STPG2: variants seen among roughly 807,000 people sequenced by gnomAD.
The protein encoded by STPG2 is sperm-tail PG-rich repeat-containing protein 2.
A neutral mutation model predicts 54.2 loss-of-function variants in STPG2; 56 were observed. That is an observed-to-expected ratio of 1.03 (90% CI 0.83 to 1.29). The LOEUF is 1.29. Among genes scored for constraint, STPG2 ranks in the 50% most tolerant of loss-of-function variants. The pLI is 0.00. For missense variants in STPG2, 596 were observed against 544.9 expected (o/e 1.09, Z -0.93); for synonymous variants, 200 against 181.8 (o/e 1.10, Z -0.81).
chr4:97,697,907 G>A (rs898552319), intron 10 of STPG2, among the ~76,000 whole-genome samples: 6 of 152,142 alleles, frequency 3.9e-5, no homozygotes, highest in African/African-American at 1.2e-4. Context: ...TTTTCTTCTC[G>A]TGAGGAATGC....
chr4:97,448,539 T>G (rs1410571641), intron 4 of STPG2, among the ~76,000 whole-genome samples: 1 of 152,126 alleles, frequency 6.6e-6, no homozygotes. Context: ...TTATAAGTGT[T>G]TGGCAGTTCC....
At chr4:97,881,651 C>T (rs186021733) in intron 8 of STPG2, among the ~76,000 whole-genome samples, 2 of 152,082 alleles carry the variant, frequency 1.3e-5, no homozygotes, top group African/African-American at 2.4e-5. Flanking sequence ...AAAAGACTGG[C>T]TTTATCAGAG....
At chr4:97,490,557 T>C (rs560571024) in intron 4 of STPG2, among the ~76,000 whole-genome samples, 4 of 151,610 alleles carry the variant, frequency 2.6e-5, no homozygotes, top group African/African-American at 9.7e-5. Context: ...AGGATAACAG[T>C]TTTTAAAAAC....
In STPG2 at chr4:97,965,560, C is replaced by T. The variant is rs988221705; in HGVS notation, c.933+6720G>A. Among the ~76,000 whole-genome samples, 21 of 152,142 alleles carry T rather than the reference C, an allele frequency of 1.4e-4. 1 individual carries two copies. Among genetic ancestry groups the T allele is most frequent in the Admixed American group, 1.0e-3 (16 of 15,266 alleles). ...TCCACAAATGGGGCCCTGACCCCCA[C>T]GTAGACGAACTAGGAGACACTTCCC... On this transcript the variant is annotated intron_variant, in intron 7 of 10. Coordinates refer to ENST00000295268, the MANE Select transcript of STPG2 (RefSeq NM_174952.3).
intron 10 of STPG2, among the ~76,000 whole-genome samples, chr4:97,627,332 C>T (rs1356598182): frequency 1.3e-5 from 2 of 152,074 alleles, no homozygotes; most frequent in Non-Finnish European, 2.9e-5. Flanking sequence ...TTGCCTAGTG[C>T]TGCTCAATAT....
chr4:97,603,991 C>T (rs7659507), intron 10 of STPG2, among the ~76,000 whole-genome samples: 2,814 of 151,664 alleles, frequency 0.019, 81 homozygotes, highest in African/African-American at 0.063. Flanking sequence ...ATATATTGCA[C>T]CGCAATTGAA....
intron 10 of STPG2, among the ~76,000 whole-genome samples, chr4:97,708,193 G>T (rs1293938080): frequency 6.6e-6 from 1 of 151,556 alleles, no homozygotes; most frequent in Non-Finnish European, 1.5e-5. Flanking sequence ...AAGCAATGTG[G>T]GAATGTTTTT....
intron 6 of STPG2, among the ~76,000 whole-genome samples, chr4:97,979,758 C>T (rs1316762567): frequency 3.3e-5 from 5 of 149,734 alleles, no homozygotes; most frequent in Non-Finnish European, 3.0e-5. Context: ...CGGAGTCTTG[C>T]TCTGTTGCCA....
intron 3 of STPG2, among the ~76,000 whole-genome samples, chr4:98,116,340 A>G (rs1423152409): frequency 2.6e-5 from 4 of 151,942 alleles, no homozygotes; most frequent in Admixed American, 1.3e-4. Context: ...CCAAGAATCT[A>G]TGACTAATTG....
chr4:97,746,104 A>G (rs770299816), intron 9 of STPG2, among the ~76,000 whole-genome samples: 23 of 151,246 alleles, frequency 1.5e-4, no homozygotes, highest in Non-Finnish European at 3.0e-4. Context: ...TTTGATAATG[A>G]TAGATGAAGC....
intron 9 of STPG2, among the ~76,000 whole-genome samples, chr4:97,717,849 A>T (rs981258099): frequency 2.0e-5 from 3 of 152,268 alleles, no homozygotes; most frequent in Middle Eastern, 3.4e-3. Flanking sequence ...TATTTGTAAG[A>T]ATGAACAGAA....
chr4:97,445,664 C>G (rs370133396), intron 4 of STPG2, among the ~76,000 whole-genome samples: 1 of 152,174 alleles, frequency 6.6e-6, no homozygotes, highest in African/African-American at 2.4e-5. Flanking sequence ...TCACATGTGG[C>G]TAGTGGCTAC....
At chr4:98,041,905 T>C (rs1323409631) in intron 5 of STPG2, among the ~76,000 whole-genome samples, 1 of 151,954 alleles carries the variant, frequency 6.6e-6, no homozygotes, top group Non-Finnish European at 1.5e-5. Flanking sequence ...TTCCGCAGAA[T>C]TGGTACAAGT....
chr4:98,139,595 T>C (rs1174473459), intron 1 of STPG2, among the ~76,000 whole-genome samples: 1 of 152,180 alleles, frequency 6.6e-6, no homozygotes, highest in Non-Finnish European at 1.5e-5. Flanking sequence ...TTTTAAATTA[T>C]CTTTCAGAGA....
intron 5 of STPG2, among the ~76,000 whole-genome samples, chr4:97,997,538 A>G (rs1035513932): frequency 4.6e-5 from 7 of 152,202 alleles, no homozygotes; most frequent in East Asian, 3.8e-4. Context: ...TTATGATTCA[A>G]TCACCTCCCA....
At chr4:97,795,046 C>T (rs994248156) in intron 9 of STPG2, among the ~76,000 whole-genome samples, 1 of 152,154 alleles carries the variant, frequency 6.6e-6, no homozygotes, top group Admixed American at 6.5e-5. Context: ...TTTTGTATCT[C>T]ACCCTATTTC....
At chr4:97,553,641 T>C (rs577004812) in intron 4 of STPG2, among the ~76,000 whole-genome samples, 12 of 152,298 alleles carry the variant, frequency 7.9e-5, no homozygotes, top group African/African-American at 2.2e-4. Flanking sequence ...TGGGGTCAAA[T>C]TTACTCTGCT....
intron 8 of STPG2, among the ~76,000 whole-genome samples, chr4:97,922,237 C>T (rs1266279929): frequency 2.6e-5 from 4 of 151,962 alleles, no homozygotes; most frequent in Non-Finnish European, 4.4e-5. Context: ...GGAATACATA[C>T]ATCAAAACAT....
In STPG2 at chr4:97,929,573, C is replaced by T. The variant is rs115339240; in HGVS notation, c.1044+14324G>A. Among the ~76,000 whole-genome samples, 683 of 152,272 alleles carry T rather than the reference C, an allele frequency of 4.5e-3. 5 individuals are homozygous for T. The highest frequency in any genetic ancestry group is 0.016 in the African/African-American group (654 of 41,550). ...CACTTCTTAATAATAGCCTTTCTCA[C>T]TGGTGTCAGATGGTATCTCAGTATA... On this transcript the variant is annotated intron_variant, in intron 8 of 10. Coordinates refer to ENST00000295268, the MANE Select transcript of STPG2 (RefSeq NM_174952.3).
Sources: gnomAD v4.1 joint callset for allele counts (sites outside exome capture counted in the v4.1 genomes callset) on GRCh38, gnomAD v4.1.1 for gene constraint, MANE v1.5 for transcripts, NCBI Gene and HGNC (gene_info 2026-07-23, HGNC 2026-07-21) for gene names.